CACNA1A: variants seen among roughly 807,000 people sequenced by gnomAD.
CACNA1A encodes the protein voltage-dependent P/Q-type calcium channel subunit alpha-1A.
In CACNA1A, 57 loss-of-function variants were observed where a neutral mutation model predicts 262.4. The ratio of observed to expected loss-of-function variants is 0.22; its 90% CI spans 0.18 to 0.27. The LOEUF (loss-of-function observed/expected upper bound fraction) is 0.27. Ranked by LOEUF, CACNA1A falls within the 10% of genes least tolerant of loss-of-function variation. The pLI is 1.00. For missense variants in CACNA1A, 2,526 were observed against 3,562.8 expected (o/e 0.71, Z 7.41); for synonymous variants, 1,431 against 1,419.3 (o/e 1.01, Z -0.18).
chr19:13,430,947 G>C (rs2060494146), intron 3 of CACNA1A, among the ~76,000 whole-genome samples: 1 of 151,922 alleles, frequency 6.6e-6, no homozygotes, highest in South Asian at 2.1e-4. Context: ...CAGGCAGAGG[G>C]AACAGCCTGT....
chr19:13,247,893 G>A (rs2056292635), intron 30 of CACNA1A, among the ~76,000 whole-genome samples: 1 of 152,004 alleles, frequency 6.6e-6, no homozygotes, highest in Non-Finnish European at 1.5e-5. Context: ...AGCTCCCCTG[G>A]GAGTGGCCTG....
At chr19:13,322,346 G>A (rs1368506915) in intron 10 of CACNA1A, among the ~76,000 whole-genome samples, 1 of 152,144 alleles carries the variant, frequency 6.6e-6, no homozygotes, top group Non-Finnish European at 1.5e-5. Flanking sequence ...AAAATACCAT[G>A]GAACAGATTC....
chr19:13,355,136 A>C (rs2058987120), intron 6 of CACNA1A, among the ~76,000 whole-genome samples: 1 of 152,160 alleles, frequency 6.6e-6, no homozygotes, highest in East Asian at 1.9e-4. Context: ...TCGGCCTCCC[A>C]AAGTGCTGGG....
chr19:13,316,322 C>G (rs976940465), intron 11 of CACNA1A: 3 of 152,274 alleles, frequency 2.0e-5, no homozygotes, highest in African/African-American at 7.2e-5. Flanking sequence ...GACATCTCCC[C>G]ATCTTTTGCT....
Position 13,317,317 on chromosome 19 carries a change from A to T in CACNA1A, c.1350T>A (p.Ser450=). The T allele has an allele frequency of 6.3e-7, 1 of 1,597,912 alleles. No homozygotes were observed. Among genetic ancestry groups the T allele is most frequent in the East Asian group, 2.3e-5 (1 of 44,440 alleles). The change falls in exon 11 of 47, where the codon TCT becomes TCA. Residue 450 remains serine, a synonymous_variant. Coordinates refer to ENST00000360228, the MANE Select transcript of CACNA1A (RefSeq NM_001127222.2). ...DQLADIASVG[S]PFARASIKSA... is the part of the protein sequence containing the mutation. The stretch of plus-strand genomic sequence containing the variant: ...TTTTAATGCTGGCTCGGGCGAAGGG[A>T]GAACCTGCCAGGGAAAAGATGGAGA...
chr19:13,325,432 G>A (rs144303391), intron 10 of CACNA1A, among the ~76,000 whole-genome samples: 21 of 152,136 alleles, frequency 1.4e-4, no homozygotes, highest in African/African-American at 4.1e-4. Flanking sequence ...ATGAGCCACC[G>A]CACCAGGCCT....
At chr19:13,416,345 C>T (rs555655116) in intron 3 of CACNA1A, among the ~76,000 whole-genome samples, 2 of 152,270 alleles carry the variant, frequency 1.3e-5, no homozygotes, top group South Asian at 2.1e-4. Context: ...TCAAGCAATC[C>T]TCTGGCCTCA....
Position 13,259,642 on chromosome 19 carries a change from T to C in CACNA1A, c.4310A>G (p.Lys1437Arg), listed in dbSNP as rs745688438. 1.9e-6 allele frequency: 3 copies of C among 1,610,956 alleles called. No homozygotes were observed. The highest frequency in any genetic ancestry group is 1.1e-5 in the South Asian group (1 of 90,146). ...EVKARDREWK[K>R]YEFHYDNVLW... The stretch of plus-strand genomic sequence containing the variant: ...CACATTGTCGTAATGGAATTCATAC[T>C]TCTTCCACTCCCGGTCTCGCGCCTT... Residue 1437 changes from lysine (K) to arginine (R), a missense_variant, in exon 27 of 47, where the codon AAG becomes AGG. Transcript: ENST00000360228.
intron 31 of CACNA1A, among the ~76,000 whole-genome samples, chr19:13,240,728 TGCA>T (rs2144672879): frequency 7.6e-6 from 1 of 131,036 alleles, no homozygotes; most frequent in South Asian, 2.7e-4. Flanking sequence ...GTGCAGTGAC[TGCA>T]GTGACTGCGT....
intron 4 of CACNA1A, among the ~76,000 whole-genome samples, chr19:13,370,461 C>T (rs573101612): frequency 6.6e-6 from 1 of 152,100 alleles, no homozygotes; most frequent in Admixed American, 6.6e-5. Context: ...CAAGGTCTCA[C>T]TCTGTTGTCC....
chr19:13,317,386 G>A, intron 10 of CACNA1A, 65 bp from the exon 11 acceptor site: 1 of 1,336,346 alleles, frequency 7.5e-7, no homozygotes, highest in Non-Finnish European at 1.0e-6. Context: ...TAACCAATGT[G>A]CAGCCCAAGC....
intron 6 of CACNA1A, among the ~76,000 whole-genome samples, chr19:13,341,319 CTGTGGCCCAGCTGACCT>C (rs2058672248): frequency 1.1e-4 from 2 of 17,702 alleles, no homozygotes; most frequent in African/African-American, 1.5e-4. Flanking sequence ...TCTTGATGGT[CTGTGGCCCAGCTGACCT>C]TGATGGTCTG....
chr19:13,298,291 C>T (rs2057710199), intron 19 of CACNA1A, among the ~76,000 whole-genome samples: 1 of 151,250 alleles, frequency 6.6e-6, no homozygotes, highest in African/African-American at 2.4e-5. Flanking sequence ...CCACCGTGCC[C>T]GGCTAATTTT....
chr19:13,381,061 C>G (rs2059515913), intron 3 of CACNA1A, among the ~76,000 whole-genome samples: 1 of 152,100 alleles, frequency 6.6e-6, no homozygotes, highest in East Asian at 1.9e-4. Flanking sequence ...GAGGCATGAG[C>G]CACTATGCCC....
intron 2 of CACNA1A, among the ~76,000 whole-genome samples, chr19:13,453,809 A>AT (rs958727794): frequency 1.7e-4 from 26 of 150,480 alleles, no homozygotes; most frequent in South Asian, 6.3e-4. Context: ...TGCCTGAATG[A>AT]TTTTTTTTTT....
chr19:13,475,330 T>C (rs562441707), intron 1 of CACNA1A, among the ~76,000 whole-genome samples: 1 of 152,350 alleles, frequency 6.6e-6, no homozygotes, highest in South Asian at 2.1e-4. Context: ...GGATGGGGAC[T>C]GATCTATGTC....
chr19:13,272,904 A>C (rs4926250), intron 24 of CACNA1A: 147,168 of 152,276 alleles, frequency 0.97, 71,141 homozygotes, highest in East Asian at 1. Context: ...CTACCTGACA[A>C]CTTGAAGGAC....
At chr19:13,421,314 T>C (rs1248899812) in intron 3 of CACNA1A, among the ~76,000 whole-genome samples, 1 of 152,136 alleles carries the variant, frequency 6.6e-6, no homozygotes, top group African/African-American at 2.4e-5. Flanking sequence ...ATACCTTTGC[T>C]ACATAATATA....
intron 3 of CACNA1A, among the ~76,000 whole-genome samples, chr19:13,380,165 T>G (rs1402639975): frequency 8.3e-6 from 1 of 120,662 alleles, no homozygotes; most frequent in Non-Finnish European, 1.7e-5. Flanking sequence ...GTGTCTGTAG[T>G]CCCAGCTACT....
Sources: gnomAD v4.1 joint callset for allele counts (sites outside exome capture counted in the v4.1 genomes callset) on GRCh38, gnomAD v4.1.1 for gene constraint, MANE v1.5 for transcripts, NCBI Gene and HGNC (gene_info 2026-07-23, HGNC 2026-07-21) for gene names.